The following KCNN2 variants were observed in gnomAD, a reference collection of about 807,000 sequenced individuals.
KCNN2 encodes small conductance calcium-activated potassium channel protein 2.
In KCNN2, 24 loss-of-function variants were observed where a neutral mutation model predicts 55.5. That is an observed-to-expected ratio of 0.43 (90% CI 0.31 to 0.61). The LOEUF (loss-of-function observed/expected upper bound fraction) is 0.61. KCNN2 is among the 20% of genes least tolerant of loss of function. The pLI is 0.08. For synonymous variants in KCNN2, 431 were observed against 336.1 expected, an observed-to-expected ratio of 1.28 and a Z score of -3.09; for missense variants, 754 against 853.6, an observed-to-expected ratio of 0.88 and a Z score of 1.45.
At chr5:114,170,654 G>A (rs905952936) in intron 1 of KCNN2, among the ~76,000 whole-genome samples, 1 of 151,890 alleles carries the variant, frequency 6.6e-6, no homozygotes, top group African/African-American at 2.4e-5. Context: ...TGAAAATTAT[G>A]GCTCGTCTCT....
At chr5:114,430,720 T>C (rs1759766136) in intron 3 of KCNN2, among the ~76,000 whole-genome samples, 1 of 152,114 alleles carries the variant, frequency 6.6e-6, no homozygotes, top group Non-Finnish European at 1.5e-5. Flanking sequence ...ACTGTAATTA[T>C]AGCTGTAGGT....
At chr5:114,188,773 T>G (rs1753389156) in intron 1 of KCNN2, among the ~76,000 whole-genome samples, 1 of 152,142 alleles carries the variant, frequency 6.6e-6, no homozygotes, top group Admixed American at 6.6e-5. Context: ...TTCATCATGT[T>G]GAAAATTATT....
intron 4 of KCNN2, among the ~76,000 whole-genome samples, chr5:114,467,256 G>A (rs985509584): frequency 5.9e-5 from 9 of 152,136 alleles, no homozygotes; most frequent in African/African-American, 1.9e-4. Context: ...GAAAGAATGC[G>A]AAACCTAAGG....
intron 3 of KCNN2, among the ~76,000 whole-genome samples, chr5:114,435,467 G>A (rs1464818200): frequency 1.3e-5 from 2 of 152,090 alleles, no homozygotes; most frequent in Admixed American, 6.6e-5. Flanking sequence ...GAAACTGGTA[G>A]TAATGAAAAA....
chr5:114,104,286 T>G (rs2112573565), intron 1 of KCNN2, among the ~76,000 whole-genome samples: 1 of 152,270 alleles, frequency 6.6e-6, no homozygotes, highest in South Asian at 2.1e-4. Context: ...CTTTATCATT[T>G]TTTATTGTGT....
At chr5:114,074,311 TGTGTGTGTGTGTGTGTGTGC>T (rs796797300) in intron 1 of KCNN2, among the ~76,000 whole-genome samples, 1,601 of 147,602 alleles carry the variant, frequency 0.011, 39 homozygotes, top group African/African-American at 0.039. Context: ...TGTGTGTGTG[TGTGTGTGTGTGTGTGTGTGC>T]GCGCGCGCGC....
At chr5:114,100,002 T>C (rs1751342301) in intron 1 of KCNN2, among the ~76,000 whole-genome samples, 1 of 152,056 alleles carries the variant, frequency 6.6e-6, no homozygotes. Flanking sequence ...CAATCTATCA[T>C]GTTATAATAT....
intron 1 of KCNN2, among the ~76,000 whole-genome samples, chr5:114,176,882 G>C (rs1374819354): frequency 1.3e-5 from 2 of 152,046 alleles, no homozygotes; most frequent in Non-Finnish European, 2.9e-5. Flanking sequence ...AAATATGTAA[G>C]TTAATATAGA....
At chr5:114,183,812 T>G (rs1218169050) in intron 1 of KCNN2, among the ~76,000 whole-genome samples, 1 of 152,010 alleles carries the variant, frequency 6.6e-6, no homozygotes, top group East Asian at 1.9e-4. Context: ...CTTTAGGGCT[T>G]TAAGCTTTTT....
chr5:114,495,816 C>A, intron 7 of KCNN2, 79 bp from the exon 8 acceptor site: 1 of 1,373,396 alleles, frequency 7.3e-7, no homozygotes, highest in Non-Finnish European at 1.0e-6. Context: ...AGCAAGAGAC[C>A]AGAGCTAAAC....
At chr5:114,136,715 A>G (rs918606131) in intron 1 of KCNN2, among the ~76,000 whole-genome samples, 1 of 152,206 alleles carries the variant, frequency 6.6e-6, no homozygotes, top group Non-Finnish European at 1.5e-5. Context: ...ACAAGACTGT[A>G]GTTTCTTTCT....
chr5:114,123,309 A>G lies in KCNN2; in HGVS notation c.-271+66809A>G, dbSNP rs115948924. 1.4e-3 allele frequency among the ~76,000 whole-genome samples: 215 copies of G among 150,848 alleles called. 1 individual carries two copies. The highest frequency in any genetic ancestry group is 4.9e-3 in the African/African-American group (203 of 41,168). On this transcript the variant is annotated intron_variant, in intron 1 of 10. Transcript: ENST00000512097. ...GCAGGTGCATCCTTAGTATAACATC[A>G]CTTACTTTGAGTTCTAATACTGTAA...
At position 114,202,586 on chromosome 5, in the gene KCNN2, T is replaced by TATATATATA. The variant is rs1554074534; in HGVS notation, c.-270-18894_-270-18893insATATATATA. On this transcript the variant is annotated intron_variant, in intron 1 of 10. Coordinates refer to the KCNN2 transcript ENST00000512097. ...GTGTGTGTATATATATATATATATA[T>TATATATATA]TTTTTTTTTTTTTTTCCCGAGACAG... Among the ~76,000 whole-genome samples, 434 of 66,478 alleles carry TATATATATA rather than the reference T, an allele frequency of 6.5e-3. 1 individual carries two copies. Among genetic ancestry groups the TATATATATA allele is most frequent in the African/African-American group, 0.024 (413 of 17,348 alleles). The allele number at this position is 66,478 out of a possible 152,430, so 43.6% of individuals were successfully genotyped here. A position where few individuals can be genotyped will look rare whatever the true frequency, so the allele number is the denominator to read the frequency against.
chr5:114,214,405 A>G (rs1459899701), intron 1 of KCNN2, among the ~76,000 whole-genome samples: 4 of 152,078 alleles, frequency 2.6e-5, no homozygotes, highest in Non-Finnish European at 5.9e-5. Context: ...AGCAGAAATA[A>G]TGAACACCTG....
At chr5:114,090,829 G>A (rs938215699) in intron 1 of KCNN2, among the ~76,000 whole-genome samples, 9 of 151,622 alleles carry the variant, frequency 5.9e-5, no homozygotes, top group Admixed American at 1.3e-4. Context: ...ACAGTTTTCC[G>A]TTGGAGAATC....
At chr5:114,280,557 A>G (rs1755603080) in intron 2 of KCNN2, among the ~76,000 whole-genome samples, 2 of 152,188 alleles carry the variant, frequency 1.3e-5, no homozygotes, top group South Asian at 4.1e-4. Flanking sequence ...TTAAATAGGT[A>G]ATTCTTTCCC....
chr5:114,344,743 G>A (rs983299890), intron 2 of KCNN2, among the ~76,000 whole-genome samples: 5 of 152,194 alleles, frequency 3.3e-5, no homozygotes, highest in Admixed American at 6.5e-5. Flanking sequence ...CCTCCCTGGA[G>A]CCAAGGACAA....
intron 3 of KCNN2, among the ~76,000 whole-genome samples, chr5:114,428,122 T>G (rs1036591936): frequency 3.9e-5 from 6 of 152,214 alleles, no homozygotes; most frequent in Non-Finnish European, 5.9e-5. Context: ...TTCCTCTGTT[T>G]ATATCTTTCA....
chr5:114,359,424 C>T (rs1055585338), upstream of KCNN2, among the ~76,000 whole-genome samples: 2 of 152,046 alleles, frequency 1.3e-5, no homozygotes, highest in African/African-American at 4.8e-5. Flanking sequence ...GCAACTAATC[C>T]CATATTACAG....
Sources: allele counts gnomAD v4.1 joint callset (sites outside exome capture counted in the v4.1 genomes callset), GRCh38; gene constraint gnomAD v4.1.1; transcripts MANE v1.5; gene names NCBI Gene and HGNC (gene_info 2026-07-23, HGNC 2026-07-21).